Variants in DIABLO observed in about 807,000 individuals in gnomAD.
DIABLO encodes the protein diablo homolog, mitochondrial.
Under a neutral mutation model 31.7 loss-of-function variants are expected in DIABLO, and 32 were observed. The ratio of observed to expected loss-of-function variants is 1.01; its 90% CI spans 0.76 to 1.35. The LOEUF (loss-of-function observed/expected upper bound fraction) is 1.35. DIABLO is among the 40% of genes most tolerant of loss of function. DIABLO has a pLI of 0.00. For missense variants in DIABLO, 316 were observed against 286.4 expected (o/e 1.10, Z -0.75); for synonymous variants, 132 against 103.2 (o/e 1.28, Z -1.69).
intron 2 of DIABLO, among the ~76,000 whole-genome samples, chr12:122,223,474 A>G (rs1468807953): frequency 6.6e-6 from 1 of 151,864 alleles, no homozygotes; most frequent in Non-Finnish European, 1.5e-5. Flanking sequence ...CTTCTTTTTC[A>G]GAAAACCCAA....
chr12:122,226,984 A>C (rs1487638376), upstream of DIABLO, among the ~76,000 whole-genome samples: 2 of 152,170 alleles, frequency 1.3e-5, no homozygotes, highest in African/African-American at 2.4e-5. Flanking sequence ...AAGGGGAGAG[A>C]GACCCATTTG....
chr12:122,210,445 T>TC (rs1469450852), intron 5 of DIABLO, among the ~76,000 whole-genome samples: 2 of 147,070 alleles, frequency 1.4e-5, no homozygotes, highest in African/African-American at 5.0e-5. Context: ...CGATCTCGGC[T>TC]CACTGTAAGC....
At chr12:122,215,538 A>C (rs1406915769) in intron 5 of DIABLO, among the ~76,000 whole-genome samples, 7 of 152,170 alleles carry the variant, frequency 4.6e-5, no homozygotes, top group African/African-American at 1.7e-4. Flanking sequence ...CAGGAGGTGG[A>C]GGTTGCAGTG....
At chr12:122,222,503 T>A (rs970348210) in intron 2 of DIABLO, 2 of 146,548 alleles carry the variant, frequency 1.4e-5, no homozygotes, top group Non-Finnish European at 3.0e-5. Context: ...CTCGGGAGGC[T>A]GAGGCAGGAG....
At chr12:122,208,679 T>C (rs1420421020) in intron 5 of DIABLO, 102 bp from the exon 6 acceptor site, 1 of 1,181,940 alleles carries the variant, frequency 8.5e-7, no homozygotes, top group African/African-American at 1.5e-5. Flanking sequence ...TGAACCCCTC[T>C]TGGGGTCACT....
chr12:122,225,999 T>G lies in DIABLO; in HGVS notation c.16A>C (p.Ser6Arg), dbSNP rs772136062. 5.0e-6 allele frequency: 8 copies of G among 1,603,582 alleles called. No homozygotes were observed. In the Admixed American group the frequency reaches 6.8e-5, roughly 14 times the overall value. MAALK[S>R]WLSRSVTSFF... ...GAAGTTACGCTGCGCGACAGCCAAC[T>G]CTTCAGAGCCGCCATTGTGCAGCGC... Residue 6 changes from serine to arginine, a missense_variant, in exon 1 of 6, where the codon AGT becomes CGT. Coordinates refer to ENST00000464942, the MANE Select transcript of DIABLO (RefSeq NM_001371333.1).
rs1240076423 is a variant in DIABLO, at chr12:122,224,536, G to A, written c.159C>T (p.Thr53=). ...CCTGTGCAATAGGAACCGCACACAG[G>A]GTTACTCCAAAGCCAATCGTCACAG... ...HKTVTIGFGV[T]LCAVPIAQKS... Residue 53 remains threonine (T), a synonymous_variant, in exon 2 of 6, where the codon ACC becomes ACT. Coordinates refer to ENST00000464942, the MANE Select transcript of DIABLO (RefSeq NM_001371333.1). 5 of 1,613,240 alleles carry A rather than the reference G, an allele frequency of 3.1e-6. No individual in the cohort carries two copies. Among genetic ancestry groups the A allele is most frequent in the South Asian group, 2.2e-5 (2 of 91,048 alleles).
chr12:122,213,456 G>A (rs1954133285), intron 5 of DIABLO, among the ~76,000 whole-genome samples: 1 of 147,842 alleles, frequency 6.8e-6, no homozygotes, highest in Non-Finnish European at 1.5e-5. Flanking sequence ...AGTGAGCCAT[G>A]ATTGTGCCAC....
At chr12:122,224,373 G>A (rs1566029253) in intron 2 of DIABLO, 139 bp downstream of exon 2, 4 of 1,274,782 alleles carry the variant, frequency 3.1e-6, no homozygotes, top group Non-Finnish European at 3.4e-6. Context: ...CTGCTCAACT[G>A]TGAAAAGATG....
At chr12:122,217,213 C>T (rs556016215) in intron 3 of DIABLO, 42 of 314,194 alleles carry the variant, frequency 1.3e-4, no homozygotes, top group Non-Finnish European at 2.4e-4. Context: ...TATCCATATA[C>T]GCTAAAAAAT....
intron 5 of DIABLO, among the ~76,000 whole-genome samples, chr12:122,213,507 G>GGAAA (rs1555243478): frequency 3.7e-5 from 5 of 136,556 alleles, no homozygotes; most frequent in Admixed American, 7.4e-5. Flanking sequence ...TTGTCTCAGG[G>GGAAA]AAAAAAAAAA....
intron 5 of DIABLO, among the ~76,000 whole-genome samples, chr12:122,209,532 G>C (rs981628175): frequency 2.0e-5 from 3 of 152,096 alleles, no homozygotes; most frequent in Non-Finnish European, 4.4e-5. Flanking sequence ...GGGTGTGGCA[G>C]AGTGCACCTG....
intron 1 of DIABLO, chr12:122,224,939 G>GGCTGGCA: frequency 1.2e-6 from 1 of 855,884 alleles, no homozygotes; most frequent in Non-Finnish European, 1.6e-6. Context: ...CTGGCAACAT[G>GGCTGGCA]ACCCCGTGTC....
intron 5 of DIABLO, among the ~76,000 whole-genome samples, chr12:122,216,095 T>C (rs1954206079): frequency 1.3e-5 from 2 of 152,168 alleles, no homozygotes; most frequent in Admixed American, 1.3e-4. Context: ...CAGGTCTCAT[T>C]TTCTCCATCT....
intron 5 of DIABLO, chr12:122,209,714 A>G (rs377096007): frequency 3.0e-5 from 21 of 699,400 alleles, no homozygotes; most frequent in Admixed American, 2.0e-4. Flanking sequence ...TAGTTAGTGT[A>G]TTTCACCATC....
At chr12:122,209,240 G>A (rs1415806394) in intron 5 of DIABLO, among the ~76,000 whole-genome samples, 1 of 152,008 alleles carries the variant, frequency 6.6e-6, no homozygotes, top group Non-Finnish European at 1.5e-5. Flanking sequence ...GCGCATGCCT[G>A]TAATCCCAGC....
intron 5 of DIABLO, 107 bp from the exon 6 acceptor site, chr12:122,208,684 G>GT: frequency 8.6e-7 from 1 of 1,167,778 alleles, no homozygotes; most frequent in Non-Finnish European, 1.2e-6. Context: ...CCCTCTTGGG[G>GT]TCACTTTCCT....
At chr12:122,215,736 G>A (rs931502982) in intron 5 of DIABLO, among the ~76,000 whole-genome samples, 4 of 151,476 alleles carry the variant, frequency 2.6e-5, no homozygotes, top group African/African-American at 9.7e-5. Flanking sequence ...AGGAGAAGCA[G>A]AGGCTTTGGA....
chr12:122,211,804 T>C (rs1049189237), intron 5 of DIABLO, among the ~76,000 whole-genome samples: 2 of 152,230 alleles, frequency 1.3e-5, no homozygotes, highest in Non-Finnish European at 2.9e-5. Context: ...TGTAATTCTA[T>C]CAGTTTTTGC....
Sources: allele counts gnomAD v4.1 joint callset (sites outside exome capture counted in the v4.1 genomes callset), GRCh38; gene constraint gnomAD v4.1.1; transcripts MANE v1.5; gene names NCBI Gene and HGNC (gene_info 2026-07-23, HGNC 2026-07-21).